Variants in EEF2K observed in about 807,000 individuals in gnomAD.
EEF2K encodes the protein eukaryotic elongation factor 2 kinase.
Under a neutral mutation model 93.8 loss-of-function variants are expected in EEF2K, and 70 were observed. The ratio of observed to expected loss-of-function variants is 0.75; its 90% CI spans 0.62 to 0.91. The LOEUF (loss-of-function observed/expected upper bound fraction) is 0.91, where lower values mean the gene tolerates loss of function less well. EEF2K is among the 40% of genes least tolerant of loss of function. The pLI, the probability that EEF2K is intolerant of heterozygous loss-of-function variation, is 0.00. For synonymous variants in EEF2K, 376 were observed against 380.8 expected (o/e 0.99, Z 0.15); for missense variants, 935 against 972.9 (o/e 0.96, Z 0.52).
At chr16:22,217,228 TAGAGAGAGAG>T (rs146522060) in intron 1 of EEF2K, among the ~76,000 whole-genome samples, 1 of 136,072 alleles carries the variant, frequency 7.3e-6, no homozygotes, top group Non-Finnish European at 1.6e-5. Flanking sequence ...GATAGATAGA[TAGAGAGAGAG>T]AGAGAGAGAG....
At chr16:22,282,702 C>A (rs1183306340) in intron 17 of EEF2K, among the ~76,000 whole-genome samples, 1 of 152,226 alleles carries the variant, frequency 6.6e-6, no homozygotes, top group African/African-American at 2.4e-5. Context: ...GATGCTGGTG[C>A]TATGCTCTTG....
At chr16:22,217,032 G>A (rs573586604) in intron 1 of EEF2K, among the ~76,000 whole-genome samples, 7 of 151,406 alleles carry the variant, frequency 4.6e-5, no homozygotes, top group East Asian at 3.9e-4. Context: ...ATGGTGACGC[G>A]TGCCTGTGGT....
intron 6 of EEF2K, 90 bp downstream of exon 6, chr16:22,251,412 C>T (rs1387621667): frequency 3.6e-6 from 5 of 1,403,156 alleles, no homozygotes; most frequent in Admixed American, 2.7e-5. Flanking sequence ...CCCTATTTCA[C>T]CTTCTTTTTT....
intron 2 of EEF2K, 27 bp downstream of exon 2, chr16:22,226,002 C>A: frequency 6.2e-7 from 1 of 1,610,560 alleles, no homozygotes; most frequent in Non-Finnish European, 8.5e-7. Flanking sequence ...TTCCACCTTC[C>A]CCACCTGGCT....
chr16:22,244,269 TTGTGTGTGTGTGTGTG>T (rs200282636), intron 2 of EEF2K, among the ~76,000 whole-genome samples: 6 of 140,136 alleles, frequency 4.3e-5, no homozygotes, highest in African/African-American at 1.3e-4. Flanking sequence ...TATATATGTA[TTGTGTGTGTGTGTGTG>T]TGTGTGTGTG....
chr16:22,266,355 G>T, intron 13 of EEF2K, 35 bp from the exon 14 acceptor site: 1 of 1,595,354 alleles, frequency 6.3e-7, no homozygotes, highest in East Asian at 2.2e-5. Context: ...TCCACCCCCA[G>T]CCCCTCGCTT....
At chr16:22,279,255 T>TAA (rs57015959) in intron 16 of EEF2K, among the ~76,000 whole-genome samples, 4 of 148,306 alleles carry the variant, frequency 2.7e-5, no homozygotes, top group Admixed American at 2.7e-4. Context: ...TTTTTTTTTT[T>TAA]AACACAGGGT....
intron 2 of EEF2K, among the ~76,000 whole-genome samples, chr16:22,235,523 G>A (rs1413153265): frequency 1.3e-5 from 2 of 152,098 alleles, no homozygotes; most frequent in Non-Finnish European, 2.9e-5. Flanking sequence ...TTGAGATGGA[G>A]TTTCGCTCTT....
At chr16:22,281,694 A>T (rs2047694467) in intron 17 of EEF2K, among the ~76,000 whole-genome samples, 1 of 152,172 alleles carries the variant, frequency 6.6e-6, no homozygotes, top group Non-Finnish European at 1.5e-5. Context: ...AGATTTGCCT[A>T]TTCTGGAGAT....
chr16:22,222,038 C>G (rs2047017765), intron 1 of EEF2K, among the ~76,000 whole-genome samples: 1 of 152,012 alleles, frequency 6.6e-6, no homozygotes, highest in Admixed American at 6.6e-5. Flanking sequence ...CCACCCCACT[C>G]CAGCCTGGGC....
At chr16:22,227,060 G>A (rs2047072215) in intron 2 of EEF2K, among the ~76,000 whole-genome samples, 1 of 152,102 alleles carries the variant, frequency 6.6e-6, no homozygotes, top group South Asian at 2.1e-4. Flanking sequence ...TTAGCCGGGT[G>A]TGGTGGCGCA....
At chr16:22,248,967 C>A in intron 4 of EEF2K, 152 bp downstream of exon 4, 1 of 772,066 alleles carries the variant, frequency 1.3e-6, no homozygotes, top group Non-Finnish European at 2.0e-6. Context: ...TTGGTTGTAG[C>A]CAGCATTTTT....
Position 22,256,767 on chromosome 16 carries a change from G to A in EEF2K, c.638G>A (p.Cys213Tyr), listed in dbSNP as rs970100511. The change falls in exon 7 of 18, where the codon TGC (cysteine) becomes TAC (tyrosine). Residue 213 changes from cysteine to tyrosine, a missense_variant. By Grantham distance (194) the Cys-to-Tyr change is radical. Transcript: ENST00000263026. ...CACCAGGTGGACATCATGCAGATGTGCATCATCGAGCTGAAGGACAGACCG... is the reference window on the plus strand; with the variant it reads ...CACCAGGTGGACATCATGCAGATGTACATCATCGAGCTGAAGGACAGACCG... ...PPKQVDIMQM[C>Y]IIELKDRPGK... 8 of 1,613,970 alleles carry A rather than the reference G, an allele frequency of 5.0e-6. No homozygotes were observed. Among genetic ancestry groups the A allele is most frequent in the Non-Finnish European group, 6.8e-6 (8 of 1,179,984 alleles).
intron 3 of EEF2K, among the ~76,000 whole-genome samples, chr16:22,245,704 C>T (rs532577971): frequency 1.4e-4 from 22 of 152,250 alleles, no homozygotes; most frequent in African/African-American, 5.1e-4. Flanking sequence ...GGCTGATTTA[C>T]TCTGGGAAAG....
intron 15 of EEF2K, among the ~76,000 whole-genome samples, chr16:22,269,514 G>T (rs568193685): frequency 2.0e-5 from 3 of 151,812 alleles, no homozygotes; most frequent in Admixed American, 6.6e-5. Context: ...CAATTCTCCT[G>T]CCTCAGTCTC....
chr16:22,231,575 C>G (rs768934023), intron 2 of EEF2K, among the ~76,000 whole-genome samples: 18 of 152,076 alleles, frequency 1.2e-4, no homozygotes, highest in Non-Finnish European at 2.2e-4. Flanking sequence ...ACATTTTAAA[C>G]TTTTAAAGTT....
intron 2 of EEF2K, among the ~76,000 whole-genome samples, chr16:22,243,203 A>G (rs1385380395): frequency 1.3e-5 from 2 of 151,274 alleles, no homozygotes; most frequent in East Asian, 3.9e-4. Flanking sequence ...AAAAGAGGTC[A>G]TTGGGTCTGG....
At chr16:22,264,275 G>C (rs1158215216) in intron 12 of EEF2K, among the ~76,000 whole-genome samples, 1 of 111,876 alleles carries the variant, frequency 8.9e-6, no homozygotes, top group Non-Finnish European at 1.6e-5. Context: ...CTGGACCACA[G>C]AGTGAGACTG....
At position 22,239,103 on chromosome 16, in the gene EEF2K, A is replaced by AAAAG. The variant is rs397693858; in HGVS notation, c.247-5527_247-5526insAAAG. ...ATACTGTGCTTATTAAAAAAAAAAA[A>AAAAG]GTCAGTTGCATTAATCCCACCTGTT... On this transcript the variant is annotated intron_variant, in intron 2 of 17. Coordinates refer to ENST00000263026, the MANE Select transcript of EEF2K (RefSeq NM_013302.5). Among the ~76,000 whole-genome samples, 216 of 151,394 alleles carry AAAAG rather than the reference A, an allele frequency of 1.4e-3. 2 individuals are homozygous for AAAAG. Among genetic ancestry groups the AAAAG allele is most frequent in the African/African-American group, 5.1e-3 (209 of 41,202 alleles).
Sources: gnomAD v4.1 joint callset for allele counts (sites outside exome capture counted in the v4.1 genomes callset) on GRCh38, gnomAD v4.1.1 for gene constraint, MANE v1.5 for transcripts, NCBI Gene and HGNC (gene_info 2026-07-23, HGNC 2026-07-21) for gene names.